The following PDE4B variants were observed in gnomAD, a reference collection of about 807,000 sequenced individuals.
PDE4B encodes phosphodiesterase 4B.
Under a neutral mutation model 82.2 loss-of-function variants are expected in PDE4B, and 20 were observed. The observed-to-expected ratio is 0.24, with a 90% CI of 0.17 to 0.35. The LOEUF is 0.35. PDE4B is among the 10% of genes least tolerant of loss of function. PDE4B has a pLI of 1.00. For missense variants in PDE4B, 655 were observed against 907.2 expected (o/e 0.72, Z 3.57); for synonymous variants, 320 against 318.9 (o/e 1.00, Z -0.04).
At chr1:66,332,053 A>G in intron 7 of PDE4B, 1 of 1,073,816 alleles carries the variant, frequency 9.3e-7, no homozygotes, top group Non-Finnish European at 1.1e-6. Context: ...GAAAAGCAAA[A>G]TGAGAAAAAG....
At chr1:66,167,638 G>A (rs1484220799) in intron 3 of PDE4B, among the ~76,000 whole-genome samples, 1 of 152,140 alleles carries the variant, frequency 6.6e-6, no homozygotes, top group Non-Finnish European at 1.5e-5. Context: ...TCTTAATAAA[G>A]CAGTTATTTA....
intron 3 of PDE4B, among the ~76,000 whole-genome samples, chr1:66,102,635 A>G (rs1645250297): frequency 6.6e-6 from 1 of 152,070 alleles, no homozygotes; most frequent in African/African-American, 2.4e-5. Context: ...TCTATATTAG[A>G]CTTTCATATT....
chr1:66,372,173 T>C lies in PDE4B; in HGVS notation c.1846-140T>C, dbSNP rs58699508. On this transcript the variant is annotated intron_variant, in intron 16 of 16. Coordinates refer to ENST00000341517, the MANE Select transcript of PDE4B (RefSeq NM_002600.4). Reference sequence around the variant, plus strand: ...ATTCAGTGTAAGACCCACTGTATTGTGAGTGCCCAAATCATGGAATCCATT... The same window carrying C: ...ATTCAGTGTAAGACCCACTGTATTGCGAGTGCCCAAATCATGGAATCCATT... 8,088 of 831,094 alleles carry C rather than the reference T, an allele frequency of 9.7e-3. 430 individuals are homozygous for C. The African/African-American group carries it at 0.12, about 13-fold the overall frequency. 51.5% of individuals were successfully genotyped at this position (831,094 alleles called of 1,614,324 possible).
At chr1:65,835,447 G>C (rs1646129548) in intron 1 of PDE4B, among the ~76,000 whole-genome samples, 1 of 152,166 alleles carries the variant, frequency 6.6e-6, no homozygotes, top group African/African-American at 2.4e-5. Flanking sequence ...ACCCAGAAAA[G>C]TGTTAATTTT....
chr1:66,344,673 G>C (rs1475744759), intron 8 of PDE4B, among the ~76,000 whole-genome samples: 1 of 152,102 alleles, frequency 6.6e-6, no homozygotes, highest in Non-Finnish European at 1.5e-5. Context: ...TTTTAAAAAA[G>C]TTAAATACAT....
intron 3 of PDE4B, among the ~76,000 whole-genome samples, chr1:66,018,919 C>T (rs577102685): frequency 6.6e-6 from 1 of 152,180 alleles, no homozygotes; most frequent in African/African-American, 2.4e-5. Context: ...TAATAACTAC[C>T]ATAATTTTAT....
chr1:66,058,176 C>T (rs558981363), intron 3 of PDE4B, among the ~76,000 whole-genome samples: 1 of 152,322 alleles, frequency 6.6e-6, no homozygotes, highest in Non-Finnish European at 1.5e-5. Flanking sequence ...TTAAAGCTCC[C>T]AAATGATCTC....
At chr1:66,250,920 G>C (rs77139317) in intron 4 of PDE4B, among the ~76,000 whole-genome samples, 62 of 152,276 alleles carry the variant, frequency 4.1e-4, no homozygotes, top group Admixed American at 6.5e-4. Context: ...CACCATTTAC[G>C]TGTGGACTAA....
intron 3 of PDE4B, among the ~76,000 whole-genome samples, chr1:66,044,020 AGTATTATACTAAAT>A (rs11270686): frequency 0.84 from 126,096 of 150,090 alleles, 53,151 homozygotes; most frequent in Non-Finnish European, 0.87. Flanking sequence ...AGGTCTGTCA[AGTATTATACTAAAT>A]GTATTATACT....
intron 3 of PDE4B, among the ~76,000 whole-genome samples, chr1:65,975,677 G>C (rs1650367619): frequency 6.6e-6 from 1 of 152,152 alleles, no homozygotes. Flanking sequence ...TGTAGCCTTG[G>C]AACAAGGCAC....
intron 3 of PDE4B, among the ~76,000 whole-genome samples, chr1:66,191,409 T>C (rs1647787892): frequency 6.6e-6 from 1 of 152,212 alleles, no homozygotes; most frequent in Admixed American, 6.5e-5. Context: ...ACAAGTCTCA[T>C]AACATTTAAA....
At chr1:66,305,061 A>G (rs1226940816) in intron 7 of PDE4B, among the ~76,000 whole-genome samples, 1 of 152,166 alleles carries the variant, frequency 6.6e-6, no homozygotes, top group African/African-American at 2.4e-5. Flanking sequence ...AGAGACAGAC[A>G]AGTCCATGTG....
intron 1 of PDE4B, among the ~76,000 whole-genome samples, chr1:65,865,795 T>A (rs1892346): frequency 0.53 from 80,765 of 152,046 alleles, 21,690 homozygotes; most frequent in Non-Finnish European, 0.57. Flanking sequence ...TTGGTCTCCC[T>A]GGGAGCTCAG....
At chr1:66,130,847 C>G (rs531440339) in intron 3 of PDE4B, among the ~76,000 whole-genome samples, 6 of 152,166 alleles carry the variant, frequency 3.9e-5, no homozygotes, top group Admixed American at 2.0e-4. Flanking sequence ...TGTGTTGTTC[C>G]TAAAACCACT....
chr1:66,179,888 A>G (rs1338491576), intron 3 of PDE4B, among the ~76,000 whole-genome samples: 1 of 152,162 alleles, frequency 6.6e-6, no homozygotes, highest in African/African-American at 2.4e-5. Context: ...TTGTTTCTTC[A>G]ATGAAAACAA....
At chr1:65,920,816 A>G (rs911699511) in intron 3 of PDE4B, among the ~76,000 whole-genome samples, 1 of 152,158 alleles carries the variant, frequency 6.6e-6, no homozygotes, top group African/African-American at 2.4e-5. Context: ...TTCATGTTCA[A>G]TAGTCAGTGA....
intron 1 of PDE4B, among the ~76,000 whole-genome samples, chr1:65,871,722 T>C (rs1397033853): frequency 3.3e-5 from 5 of 152,238 alleles, no homozygotes. Flanking sequence ...GGCTGCTCCT[T>C]CTGCCTCTTT....
At chr1:66,247,405 A>G (rs1017080690) in intron 3 of PDE4B, 55 bp from the exon 4 acceptor site, 1 of 1,266,774 alleles carries the variant, frequency 7.9e-7, no homozygotes, top group Non-Finnish European at 1.1e-6. Context: ...AGTGTATACT[A>G]TGTGTCCTCC....
intron 3 of PDE4B, among the ~76,000 whole-genome samples, chr1:66,046,639 A>G (rs979438342): frequency 2.0e-5 from 3 of 151,830 alleles, no homozygotes; most frequent in Non-Finnish European, 4.4e-5. Context: ...TCTGCGTAAA[A>G]TATTTTCCAT....
Sources: allele counts gnomAD v4.1 joint callset (sites outside exome capture counted in the v4.1 genomes callset), GRCh38; gene constraint gnomAD v4.1.1; transcripts MANE v1.5; gene names NCBI Gene and HGNC (gene_info 2026-07-23, HGNC 2026-07-21).